The following CACNA1C variants were observed in gnomAD, a reference collection of about 807,000 sequenced individuals.
The protein encoded by CACNA1C is calcium voltage-gated channel subunit alpha1 C.
In CACNA1C, 30 loss-of-function variants were observed where a neutral mutation model predicts 229.0. The observed-to-expected ratio is 0.13, with a 90% CI of 0.10 to 0.18. The LOEUF is 0.18. CACNA1C is among the 10% of genes least tolerant of loss of function. The probability of loss-of-function intolerance (pLI) is 1.00; values close to 1 mark genes in which losing one functional copy is unlikely to be tolerated. For synonymous variants in CACNA1C, 1,114 were observed against 1,132.5 expected (o/e 0.98, Z 0.33); for missense variants, 1,658 against 2,845.0 (o/e 0.58, Z 9.49).
At chr12:1,976,148 T>G (rs1461540911) in intron 1 of CACNA1C, among the ~76,000 whole-genome samples, 1 of 152,212 alleles carries the variant, frequency 6.6e-6, no homozygotes, top group Non-Finnish European at 1.5e-5. Flanking sequence ...AGTGGAGTAC[T>G]GACAGAGAAC....
chr12:2,373,633 T>C (rs548277050), intron 3 of CACNA1C, among the ~76,000 whole-genome samples: 39 of 152,180 alleles, frequency 2.6e-4, no homozygotes, highest in East Asian at 9.7e-4. Flanking sequence ...AGGGGAGAGA[T>C]TGGATTTTAA....
intron 3 of CACNA1C, among the ~76,000 whole-genome samples, chr12:2,328,071 C>G (rs1175122163): frequency 6.6e-6 from 1 of 152,214 alleles, no homozygotes; most frequent in Non-Finnish European, 1.5e-5. Context: ...GATAGAACTT[C>G]AGCCAAAAGA....
intron 1 of CACNA1C, among the ~76,000 whole-genome samples, chr12:2,038,831 A>C (rs2049593593): frequency 6.6e-6 from 1 of 152,112 alleles, no homozygotes; most frequent in African/African-American, 2.4e-5. Flanking sequence ...ACTTCCTAGC[A>C]ATTCACTCCA....
At position 2,665,573 on chromosome 12, in the gene CACNA1C, C is replaced by T; in HGVS notation, c.4399-8C>T. The T allele has an allele frequency of 6.2e-7, 1 of 1,613,040 alleles. No individual in the cohort carries two copies. Among genetic ancestry groups the T allele is most frequent in the South Asian group, 1.1e-5 (1 of 91,042 alleles). ...TCTCACAGCACCTCATTGTACTGTT[C>T]CCCACAGATCATCAACCTCTTTGTA... On this transcript the variant is annotated splice_region_variant and splice_polypyrimidine_tract_variant and intron_variant, in intron 35 of 46. Transcript: ENST00000399655. This position sits in a 1 kb window ranked among gnomAD's most constrained non-coding sequence, Gnocchi z 5.9.
At chr12:2,606,575 C>G (rs781048966) in intron 24 of CACNA1C, 36 bp from the exon 25 acceptor site, 2 of 1,554,116 alleles carry the variant, frequency 1.3e-6, no homozygotes, top group Non-Finnish European at 1.8e-6. Flanking sequence ...TCATTGATTA[C>G]TGAACATCTC....
intron 1 of CACNA1C, among the ~76,000 whole-genome samples, chr12:2,021,536 A>G (rs2046443280): frequency 6.6e-6 from 1 of 152,062 alleles, no homozygotes; most frequent in East Asian, 1.9e-4. Flanking sequence ...AAAAATAAGC[A>G]GGGCGTAGTG....
chr12:2,681,623 C>A (rs1352268686), intron 42 of CACNA1C, among the ~76,000 whole-genome samples: 1 of 152,158 alleles, frequency 6.6e-6, no homozygotes, highest in African/African-American at 2.4e-5. Context: ...ACTCCACCTC[C>A]CTCCCCTCCC....
At chr12:2,113,211 G>T (rs1430153219) in intron 1 of CACNA1C, among the ~76,000 whole-genome samples, 1 of 152,206 alleles carries the variant, frequency 6.6e-6, no homozygotes, top group East Asian at 1.9e-4. Context: ...TGGTGAGGTT[G>T]CTCGGGCTCT....
chr12:2,150,614 A>G (rs575097963), intron 3 of CACNA1C, among the ~76,000 whole-genome samples: 2 of 152,352 alleles, frequency 1.3e-5, no homozygotes, highest in South Asian at 4.1e-4. Context: ...GGCTAATTTC[A>G]TTCCTTCTGT....
intron 1 of CACNA1C, among the ~76,000 whole-genome samples, chr12:2,082,005 G>A (rs748418834): frequency 1.3e-5 from 2 of 151,948 alleles, no homozygotes; most frequent in Non-Finnish European, 2.9e-5. Context: ...AAAAGGTAAC[G>A]CTGCCATTTT....
At chr12:2,227,785 TCTAAA>T (rs1219820731) in intron 3 of CACNA1C, among the ~76,000 whole-genome samples, 2 of 152,242 alleles carry the variant, frequency 1.3e-5, no homozygotes, top group African/African-American at 2.4e-5. Flanking sequence ...TAAAGTGCAA[TCTAAA>T]CTAATAGGTT....
intron 29 of CACNA1C, among the ~76,000 whole-genome samples, chr12:2,629,741 C>T (rs2089429500): frequency 6.6e-6 from 1 of 152,222 alleles, no homozygotes; most frequent in African/African-American, 2.4e-5. Context: ...AGGGCATGGA[C>T]AACCAAAATG....
intron 3 of CACNA1C, among the ~76,000 whole-genome samples, chr12:2,281,957 T>A (rs2091411194): frequency 6.6e-6 from 1 of 152,200 alleles, no homozygotes; most frequent in Admixed American, 6.5e-5. Context: ...GGCACTTTCA[T>A]TTTATTTAAT....
chr12:2,649,568 G>T lies in CACNA1C; in HGVS notation c.3945+1061G>T, dbSNP rs117202662. 8.0e-3 allele frequency among the ~76,000 whole-genome samples: 1,216 copies of T among 152,288 alleles called. 9 individuals carry two copies. Among genetic ancestry groups the T allele is most frequent in the Non-Finnish European group, 0.011 (750 of 68,030 alleles). On this transcript the variant is annotated intron_variant, in intron 31 of 46. Coordinates refer to ENST00000399655, the MANE Select transcript of CACNA1C (RefSeq NM_000719.7). The surrounding 1 kb of genome is among the most constrained non-coding windows in gnomAD (Gnocchi z 4.4). ...TAGAGCAAATTGGTGCATCCGAATG[G>T]CAGTGAGTTTATTCTCCTTCTCGAG...
chr12:2,610,773 C>T (rs768223741), intron 28 of CACNA1C, 74 bp downstream of exon 28: 254 of 1,474,442 alleles, frequency 1.7e-4, no homozygotes, highest in Admixed American at 2.9e-4. Context: ...TGTAACGGAG[C>T]GGCAGGCAGC....
intron 3 of CACNA1C, among the ~76,000 whole-genome samples, chr12:2,433,455 C>T (rs1028740701): frequency 6.6e-6 from 1 of 152,210 alleles, no homozygotes; most frequent in African/African-American, 2.4e-5. Flanking sequence ...TTCTCTGCCT[C>T]CATTCATCTA....
chr12:2,402,991 G>A (rs146409612), intron 3 of CACNA1C, among the ~76,000 whole-genome samples: 1,830 of 152,280 alleles, frequency 0.012, 18 homozygotes, highest in Non-Finnish European at 0.016. Context: ...GTAGGGATGC[G>A]AGCTGAAAGA....
At chr12:2,565,794 AAG>A (rs2050538241) in intron 11 of CACNA1C, among the ~76,000 whole-genome samples, 3 of 152,236 alleles carry the variant, frequency 2.0e-5, no homozygotes, top group African/African-American at 7.2e-5. Flanking sequence ...CAGAAAAACA[AAG>A]AGCCTGTGCT....
intron 1 of CACNA1C, among the ~76,000 whole-genome samples, chr12:2,098,492 G>A (rs2154095648): frequency 6.6e-6 from 1 of 152,308 alleles, no homozygotes; most frequent in South Asian, 2.1e-4. Context: ...TACATATGCA[G>A]GGTGACCCAC....
Sources: allele counts gnomAD v4.1 joint callset (sites outside exome capture counted in the v4.1 genomes callset), GRCh38; gene constraint gnomAD v4.1.1; non-coding constraint Gnocchi (gnomAD v3.1); transcripts MANE v1.5; gene names NCBI Gene and HGNC (gene_info 2026-07-23, HGNC 2026-07-21).